The following LRP1B variants were observed in gnomAD, a reference collection of about 807,000 sequenced individuals.
LRP1B encodes the protein LDL receptor related protein 1B.
A neutral mutation model predicts 556.6 loss-of-function variants in LRP1B; 217 were observed. The ratio of observed to expected loss-of-function variants is 0.39; its 90% CI spans 0.35 to 0.44. The LOEUF is 0.44. LRP1B is among the 20% of genes least tolerant of loss of function. The pLI, the probability that LRP1B is intolerant of heterozygous loss-of-function variation, is 1.00. For missense variants in LRP1B, 5,053 were observed against 5,620.8 expected (o/e 0.90, Z 3.23); for synonymous variants, 2,047 against 1,865.8 (o/e 1.10, Z -2.50).
chr2:140,371,814 A>T lies in LRP1B; in HGVS notation c.10769-529T>A, dbSNP rs116238666. 3.8e-3 allele frequency among the ~76,000 whole-genome samples: 582 copies of T among 152,154 alleles called. 6 individuals are homozygous for T. The highest frequency in any genetic ancestry group is 0.014 in the African/African-American group (562 of 41,552). On this transcript the variant is annotated intron_variant, in intron 69 of 90. Coordinates refer to ENST00000389484, the MANE Select transcript of LRP1B (RefSeq NM_018557.3). ...GCATTGACATAAATAAAGTATTTGA[A>T]TAAGTTCTAAGAATTGTATTGTTTT...
chr2:140,571,593 T>C (rs569639664), intron 43 of LRP1B, among the ~76,000 whole-genome samples: 1 of 149,428 alleles, frequency 6.7e-6, no homozygotes, highest in South Asian at 2.1e-4. Flanking sequence ...AAGTGATTTA[T>C]AAATTCAATG....
chr2:141,324,489 A>G lies in LRP1B; in HGVS notation c.344-69848T>C, dbSNP rs183579329. Among the ~76,000 whole-genome samples, 408 of 152,192 alleles carry G rather than the reference A, an allele frequency of 2.7e-3. 3 individuals carry two copies. The highest frequency in any genetic ancestry group is 9.5e-3 in the African/African-American group (395 of 41,546). On this transcript the variant is annotated intron_variant, in intron 3 of 90. Coordinates refer to ENST00000389484, the MANE Select transcript of LRP1B (RefSeq NM_018557.3). The stretch of plus-strand genomic sequence containing the variant: ...TTTCTATCTTTCCCTTGATAATTCA[A>G]TTTTTAAATATCAGTTATATCAAGG...
At chr2:141,774,296 G>T (rs1694988964) in intron 2 of LRP1B, among the ~76,000 whole-genome samples, 1 of 152,132 alleles carries the variant, frequency 6.6e-6, no homozygotes, top group African/African-American at 2.4e-5. Flanking sequence ...AGGAAGTGTG[G>T]TGTTGGCATC....
intron 2 of LRP1B, among the ~76,000 whole-genome samples, chr2:141,589,203 T>C (rs1315202698): frequency 6.6e-6 from 1 of 152,176 alleles, no homozygotes; most frequent in Non-Finnish European, 1.5e-5. Flanking sequence ...CTTTTAAACC[T>C]CTCTTTAAAA....
chr2:140,566,955 C>T (rs1293630983), intron 43 of LRP1B, among the ~76,000 whole-genome samples: 1 of 152,034 alleles, frequency 6.6e-6, no homozygotes, highest in Admixed American at 6.6e-5. Flanking sequence ...ACAATCACAC[C>T]CTCACCCCCG....
intron 1 of LRP1B, among the ~76,000 whole-genome samples, chr2:141,977,035 G>A (rs2105087139): frequency 6.6e-6 from 1 of 152,166 alleles, no homozygotes; most frequent in Non-Finnish European, 1.5e-5. Flanking sequence ...GTTGCATGAA[G>A]TCTAGATGGA....
At chr2:141,147,909 A>G (rs1320776325) in intron 7 of LRP1B, among the ~76,000 whole-genome samples, 1 of 152,154 alleles carries the variant, frequency 6.6e-6, no homozygotes, top group African/African-American at 2.4e-5. Flanking sequence ...TCGTTGTGTT[A>G]TAACTGTCTA....
intron 1 of LRP1B, among the ~76,000 whole-genome samples, chr2:141,898,956 C>G (rs1057120398): frequency 6.6e-6 from 1 of 152,096 alleles, no homozygotes; most frequent in Non-Finnish European, 1.5e-5. Flanking sequence ...ACCCACTGTC[C>G]GACTGCATTA....
chr2:141,668,316 G>A (rs1041170183), intron 2 of LRP1B, among the ~76,000 whole-genome samples: 1 of 152,046 alleles, frequency 6.6e-6, no homozygotes, highest in Non-Finnish European at 1.5e-5. Context: ...TCCAGCAAAG[G>A]CCCCACCCTC....
intron 70 of LRP1B, 89 bp downstream of exon 70, chr2:140,371,090 C>A: frequency 1.1e-6 from 1 of 941,348 alleles, no homozygotes; most frequent in South Asian, 2.0e-5. Flanking sequence ...TGCTAAGAAT[C>A]AAGATTCTTT....
intron 1 of LRP1B, among the ~76,000 whole-genome samples, chr2:141,990,027 T>C (rs1428009343): frequency 2.0e-5 from 3 of 152,234 alleles, no homozygotes; most frequent in Admixed American, 2.0e-4. Flanking sequence ...ATTAGATGTC[T>C]ACAATTTCTC....
chr2:141,200,369 T>C (rs1047171238), intron 6 of LRP1B, among the ~76,000 whole-genome samples: 2 of 151,966 alleles, frequency 1.3e-5, no homozygotes, highest in East Asian at 3.9e-4. Context: ...GAGGGAACAA[T>C]GCACTGAGGC....
chr2:141,303,629 G>A (rs1385705594), intron 3 of LRP1B, among the ~76,000 whole-genome samples: 1 of 151,962 alleles, frequency 6.6e-6, no homozygotes, highest in Non-Finnish European at 1.5e-5. Context: ...CATTTTTTAT[G>A]GCCAAAGATA....
At position 140,323,892 on chromosome 2, in the gene LRP1B, C is replaced by A; in HGVS notation, c.12514+1G>T. On this transcript the variant is annotated splice_donor_variant, in intron 81 of 90. Transcript: ENST00000389484. LOFTEE classifies it high-confidence loss of function. ...ACAACTTCATAATATATTATACTTA[C>A]AATCTAGTTGTTTATAACGATGAGA... 7.1e-7 allele frequency: 1 copy of A among 1,399,562 alleles called. No homozygotes were observed. Among genetic ancestry groups the A allele is most frequent in the Non-Finnish European group, 1.0e-6 (1 of 990,834 alleles). The allele number at this position is 1,399,562 out of a possible 1,614,324, so 86.7% of individuals were successfully genotyped here.
intron 41 of LRP1B, among the ~76,000 whole-genome samples, chr2:140,664,108 C>T (rs753394865): frequency 1.3e-5 from 2 of 152,014 alleles, no homozygotes; most frequent in African/African-American, 2.4e-5. Context: ...GTTTGTGGTG[C>T]CTCAAAATGG....
intron 31 of LRP1B, among the ~76,000 whole-genome samples, chr2:140,821,335 T>C (rs1486329810): frequency 6.6e-6 from 1 of 152,176 alleles, no homozygotes; most frequent in Non-Finnish European, 1.5e-5. Flanking sequence ...TATTTGTGTG[T>C]GTTAGCATGT....
chr2:141,542,351 C>T (rs975782716), intron 2 of LRP1B, among the ~76,000 whole-genome samples: 1 of 151,664 alleles, frequency 6.6e-6, no homozygotes, highest in Non-Finnish European at 1.5e-5. Flanking sequence ...GTCAACATTC[C>T]CATCCTATTA....
chr2:141,571,232 G>A (rs113116546), intron 2 of LRP1B, among the ~76,000 whole-genome samples: 6,479 of 150,928 alleles, frequency 0.043, 482 homozygotes, highest in Non-Finnish European at 0.065. Flanking sequence ...TCTCCAGCCC[G>A]CTTGAGTGAC....
At chr2:140,628,099 A>G (rs1683732939) in intron 41 of LRP1B, among the ~76,000 whole-genome samples, 1 of 152,214 alleles carries the variant, frequency 6.6e-6, no homozygotes, top group Non-Finnish European at 1.5e-5. Context: ...CCAGGACACC[A>G]GCAGAGATCA....
Sources: gnomAD v4.1 joint callset for allele counts (sites outside exome capture counted in the v4.1 genomes callset) on GRCh38, gnomAD v4.1.1 for gene constraint, MANE v1.5 for transcripts, NCBI Gene and HGNC (gene_info 2026-07-23, HGNC 2026-07-21) for gene names.